Variants in HEATR5A observed in about 807,000 individuals in gnomAD.
The protein encoded by HEATR5A is HEAT repeat-containing protein 5A.
A neutral mutation model predicts 218.8 loss-of-function variants in HEATR5A; 178 were observed. That is an observed-to-expected ratio of 0.81 (90% CI 0.72 to 0.92). HEATR5A has a LOEUF of 0.92. Among genes scored for constraint, HEATR5A ranks in the 40% least tolerant of loss-of-function variants. The pLI, the probability that HEATR5A is intolerant of heterozygous loss-of-function variation, is 0.00. For missense variants in HEATR5A, 2,420 were observed against 2,418.9 expected, an observed-to-expected ratio of 1.00 and a Z score of -0.01; for synonymous variants, 864 against 871.6, an observed-to-expected ratio of 0.99 and a Z score of 0.15.
chr14:31,366,787 A>G (rs1482363531), intron 13 of HEATR5A, among the ~76,000 whole-genome samples: 1 of 152,246 alleles, frequency 6.6e-6, no homozygotes, highest in Non-Finnish European at 1.5e-5. Context: ...CTGAAACTAG[A>G]GTAGGAACAT....
chr14:31,386,736 T>A (rs2030239676), intron 8 of HEATR5A, among the ~76,000 whole-genome samples, 161 bp from the exon 9 acceptor site: 1 of 152,200 alleles, frequency 6.6e-6, no homozygotes, highest in Non-Finnish European at 1.5e-5. Context: ...GGGACTTGCA[T>A]CAATAAAGAG....
Position 31,335,360 on chromosome 14 carries a change from T to A in HEATR5A, c.3367+2116A>T, listed in dbSNP as rs533901066. ...TTGAAGCAAAAGTTTTTATTTTTTT[T>A]TTTTGTTAGAGACAAGGTCTCACTA... On this transcript the variant is annotated intron_variant, in intron 22 of 35. Transcript: ENST00000543095. 6.6e-5 allele frequency among the ~76,000 whole-genome samples: 10 copies of A among 152,234 alleles called. No individual in the cohort carries two copies. The South Asian group carries it at 2.1e-3, about 32-fold the overall frequency.
At chr14:31,336,178 C>T in intron 22 of HEATR5A, among the ~76,000 whole-genome samples, 1 of 136,284 alleles carries the variant, frequency 7.3e-6, no homozygotes, top group Admixed American at 7.6e-5. Flanking sequence ...GGGGTCATGC[C>T]ATATTGCGCA....
intron 33 of HEATR5A, chr14:31,297,810 CA>C (rs1222547209): frequency 6.6e-6 from 1 of 152,128 alleles, no homozygotes; most frequent in Admixed American, 6.5e-5. Flanking sequence ...ACAAGAAACA[CA>C]AATTCAGTCA....
chr14:31,334,445 A>G (rs1333920105), intron 22 of HEATR5A: 1 of 456,090 alleles, frequency 2.2e-6, no homozygotes, highest in Admixed American at 2.3e-5. Flanking sequence ...CCTGGTGAAG[A>G]TGCTGTGAAC....
chr14:31,323,683 C>T lies in HEATR5A; in HGVS notation c.3669G>A (p.Trp1223Ter). The change falls in exon 24 of 36, where the codon TGG becomes TGA. Residue 1223 changes from tryptophan to a stop codon, truncating the protein, a stop_gained. Transcript: ENST00000543095. LOFTEE classifies it high-confidence loss of function. ...ATTCAGCAGCAAAGACTCTAGTAGC[C>T]CATCGGGGATTGGTAAAAGGATGGG... is the stretch of plus-strand genomic sequence containing the variant. ...EKSHPFTNPR[W>*]ATRVFAAECV... 6.2e-7 allele frequency: 1 copy of T among 1,613,642 alleles called. No individual in the cohort carries two copies. The highest frequency in any genetic ancestry group is 1.7e-4 in the Middle Eastern group (1 of 6,060).
intron 22 of HEATR5A, among the ~76,000 whole-genome samples, chr14:31,331,511 T>A (rs1403027568): frequency 6.6e-6 from 1 of 152,188 alleles, no homozygotes; most frequent in African/African-American, 2.4e-5. Context: ...CCTGTCTTCT[T>A]CTGAGCCCTC....
At position 31,386,544 on chromosome 14, in the gene HEATR5A, G is replaced by A; in HGVS notation, c.1221C>T (p.Thr407=). The change falls in exon 9 of 36, where the codon ACC becomes ACT. Residue 407 remains threonine, a synonymous_variant. Transcript: ENST00000543095. ...CGGCTACATCTGTGGAACCAAGCCGGGTTTCCAAATTACCATCACTCATTA... is the reference window on the plus strand; with the variant it reads ...CGGCTACATCTGTGGAACCAAGCCGAGTTTCCAAATTACCATCACTCATTA... The part of the protein sequence containing the change: ...DAVMSDGNLE[T]RLGSTDVAAS... 2 of 1,598,024 alleles carry A rather than the reference G, an allele frequency of 1.3e-6. No individual in the cohort carries two copies. The highest frequency in any genetic ancestry group is 1.7e-6 in the Non-Finnish European group (2 of 1,173,858).
chr14:31,303,499 T>C (rs1475791022), intron 32 of HEATR5A, among the ~76,000 whole-genome samples: 1 of 152,122 alleles, frequency 6.6e-6, no homozygotes, highest in East Asian at 1.9e-4. Flanking sequence ...TTAAGAAGCA[T>C]CTACTAGGTA....
chr14:31,320,515 AG>A, intron 25 of HEATR5A: 1 of 1,226,692 alleles, frequency 8.2e-7, no homozygotes, highest in Non-Finnish European at 1.2e-6. Flanking sequence ...TGCTGTAGGA[AG>A]GCTGTTTAGA....
chr14:31,348,170 TGAA>T (rs1047219210), intron 18 of HEATR5A, among the ~76,000 whole-genome samples: 2 of 152,312 alleles, frequency 1.3e-5, no homozygotes, highest in African/African-American at 4.8e-5. Flanking sequence ...TATATATACA[TGAA>T]GAAGGTTTTT....
intron 1 of HEATR5A, among the ~76,000 whole-genome samples, chr14:31,405,798 A>AT (rs1566784776): frequency 6.6e-6 from 1 of 152,002 alleles, no homozygotes; most frequent in Admixed American, 6.6e-5. Context: ...CTGAAGAGAC[A>AT]TTTTTTTTCC....
intron 1 of HEATR5A, among the ~76,000 whole-genome samples, chr14:31,405,691 C>A (rs1287364217): frequency 6.6e-6 from 1 of 152,124 alleles, no homozygotes; most frequent in Non-Finnish European, 1.5e-5. Flanking sequence ...GTGGAAATAA[C>A]CACAGTATCA....
At chr14:31,342,381 C>T (rs973690078) in intron 21 of HEATR5A, among the ~76,000 whole-genome samples, 16 of 152,100 alleles carry the variant, frequency 1.1e-4, no homozygotes, top group Admixed American at 9.8e-4. Flanking sequence ...GAGACTGTGC[C>T]TCTAAAATAA....
chr14:31,392,694 T>C (rs933440564), intron 6 of HEATR5A, among the ~76,000 whole-genome samples: 1 of 152,208 alleles, frequency 6.6e-6, no homozygotes. Flanking sequence ...TTCCAAATTG[T>C]TTTAAACTCA....
chr14:31,312,203 T>C (rs901224935), intron 28 of HEATR5A, among the ~76,000 whole-genome samples: 17 of 152,168 alleles, frequency 1.1e-4, no homozygotes, highest in African/African-American at 4.1e-4. Flanking sequence ...CTCAGAAAGA[T>C]TCATTGTATC....
At chr14:31,386,276 T>A in intron 9 of HEATR5A, 144 bp downstream of exon 9, 1 of 637,296 alleles carries the variant, frequency 1.6e-6, no homozygotes, top group Non-Finnish European at 2.5e-6. Flanking sequence ...TACATCTTTT[T>A]AATAATCCTG....
At chr14:31,379,058 C>T (rs1406320566) in intron 11 of HEATR5A, among the ~76,000 whole-genome samples, 5 of 151,094 alleles carry the variant, frequency 3.3e-5, no homozygotes, top group Non-Finnish European at 7.4e-5. Context: ...TCTCCTGCCT[C>T]AGCCTCCCCT....
intron 22 of HEATR5A, among the ~76,000 whole-genome samples, chr14:31,333,370 T>A (rs563347536): frequency 6.6e-6 from 1 of 152,138 alleles, no homozygotes; most frequent in East Asian, 2.0e-4. Context: ...TGCCTCAGTC[T>A]CCTGAGTAGC....
Sources: gnomAD v4.1 joint callset for allele counts (sites outside exome capture counted in the v4.1 genomes callset) on GRCh38, gnomAD v4.1.1 for gene constraint, MANE v1.5 for transcripts, NCBI Gene and HGNC (gene_info 2026-07-23, HGNC 2026-07-21) for gene names.